Variants in RTTN observed in about 807,000 individuals in gnomAD.
RTTN encodes rotatin.
RTTN carries 182 observed loss-of-function variants against 269.2 expected under a neutral mutation model. The observed-to-expected ratio is 0.68, with a 90% CI of 0.60 to 0.76. RTTN has a LOEUF of 0.76. RTTN is among the 30% of genes least tolerant of loss of function. The probability of loss-of-function intolerance (pLI) is 0.00; values close to 1 mark genes in which losing one functional copy is unlikely to be tolerated. For synonymous variants in RTTN, 1,006 were observed against 963.5 expected (o/e 1.04, Z -0.82); for missense variants, 2,545 against 2,608.6 (o/e 0.98, Z 0.53).
Position 70,196,722 on chromosome 18 carries a change from A to C in RTTN, c.694-74T>G, listed in dbSNP as rs79879463. The C allele has an allele frequency of 9.4e-4, 1,324 of 1,404,802 alleles. 10 individuals are homozygous for C. In the African/African-American group the frequency reaches 0.017, roughly 18 times the overall value. The allele number at this position is 1,404,802 out of a possible 1,614,324, so 87.0% of individuals were successfully genotyped here. A position where few individuals can be genotyped will look rare whatever the true frequency, so the allele number is the denominator to read the frequency against. On this transcript the variant is annotated intron_variant, in intron 6 of 48. Coordinates refer to ENST00000640769, the MANE Select transcript of RTTN (RefSeq NM_173630.4). ...ACTTCAAAGCAGAATGTGGAGCTTA[A>C]GTAAGTAAGCCTAAGTGAATAATCA...
intron 25 of RTTN, 84 bp downstream of exon 25, chr18:70,127,418 A>C (rs2059892600): frequency 6.8e-7 from 1 of 1,478,294 alleles, no homozygotes; most frequent in Non-Finnish European, 9.2e-7. Flanking sequence ...AAGGGCATAG[A>C]CTCTTATCTT....
chr18:70,100,693 G>A lies in RTTN; in HGVS notation c.3904-7889C>T, dbSNP rs1013760116. ...AATGCTTCCAGTTTTTGCCCATTCAGTATGATATTGGCTGTGGGTCTGTCA... is the reference window on the plus strand; with the variant it reads ...AATGCTTCCAGTTTTTGCCCATTCAATATGATATTGGCTGTGGGTCTGTCA... On this transcript the variant is annotated intron_variant, in intron 28 of 48. Transcript: ENST00000640769. Among the ~76,000 whole-genome samples, 279 of 152,264 alleles carry A rather than the reference G, an allele frequency of 1.8e-3. 1 individual carries two copies. The highest frequency in any genetic ancestry group is 7.5e-4 in the Non-Finnish European group (51 of 68,018).
At chr18:70,037,462 G>A (rs2057210263) in intron 40 of RTTN, among the ~76,000 whole-genome samples, 1 of 152,164 alleles carries the variant, frequency 6.6e-6, no homozygotes, top group Non-Finnish European at 1.5e-5. Flanking sequence ...GCAGAGTTGT[G>A]AGACCTCCAT....
intron 4 of RTTN, among the ~76,000 whole-genome samples, chr18:70,199,904 A>G (rs2061906682): frequency 6.6e-6 from 1 of 152,256 alleles, no homozygotes; most frequent in African/African-American, 2.4e-5. Flanking sequence ...ATAAAACATA[A>G]TGATATACCA....
In RTTN at chr18:70,048,163, C is replaced by G. The variant is rs374305645; in HGVS notation, c.5349G>C (p.Leu1783Phe). 3.3e-5 allele frequency: 54 copies of G among 1,613,912 alleles called. No individual in the cohort carries two copies. The highest frequency in any genetic ancestry group is 4.2e-5 in the Non-Finnish European group (49 of 1,179,940). Reference protein sequence around the residue: ...AIDMFCTCAGLSATCPALYTA... With the variant: ...AIDMFCTCAGFSATCPALYTA... ...TATACAGGGCAGGACACGTGGCAGA[C>G]AAGCCTGCACATGTGCAGAACATAT... Residue 1783 changes from leucine (L) to phenylalanine (F), a missense_variant, in exon 40 of 49, where the codon TTG (leucine) becomes TTC (phenylalanine). Leu to Phe is a conservative substitution (Grantham distance 22). Transcript: ENST00000640769.
intron 46 of RTTN, among the ~76,000 whole-genome samples, chr18:70,009,503 T>C (rs569588491): frequency 1.3e-5 from 2 of 152,118 alleles, no homozygotes; most frequent in African/African-American, 4.8e-5. Context: ...GAAAAATAAA[T>C]AAAATCCTTT....
At position 70,128,422 on chromosome 18, in the gene RTTN, G is replaced by A. The variant is rs1401297391; in HGVS notation, c.3079C>T (p.Leu1027=). 1.2e-6 allele frequency: 2 copies of A among 1,613,170 alleles called. No individual in the cohort carries two copies. Among genetic ancestry groups the A allele is most frequent in the South Asian group, 1.1e-5 (1 of 91,046 alleles). ...VSDMLRIAWN[L]SWYHGSDNLL... The stretch of plus-strand genomic sequence containing the variant: ...TTATCACTCCCATGATACCATGACA[G>A]GTTCCAAGCTATTCTCAGCATATCT... The change falls in exon 24 of 49, where the codon CTG becomes TTG. Residue 1027 remains leucine (L), a synonymous_variant. Transcript: ENST00000640769.
chr18:70,068,334 C>T (rs1020961189), intron 34 of RTTN, among the ~76,000 whole-genome samples: 1 of 152,176 alleles, frequency 6.6e-6, no homozygotes, highest in Non-Finnish European at 1.5e-5. Context: ...AAAGCCTGAC[C>T]TAGTCCACGT....
Position 70,030,867 on chromosome 18 carries a change from G to C in RTTN, c.5647+9C>G. On this transcript the variant is annotated intron_variant, in intron 41 of 48. Transcript: ENST00000640769. ...GCCATCAAAACAGCTGATGTGTCATGTGGCTCACCTTTCAAAGCATGTTTC... is the reference window on the plus strand; with the variant it reads ...GCCATCAAAACAGCTGATGTGTCATCTGGCTCACCTTTCAAAGCATGTTTC... 1.3e-6 allele frequency: 2 copies of C among 1,598,470 alleles called. No homozygotes were observed. Among genetic ancestry groups the C allele is most frequent in the South Asian group, 1.1e-5 (1 of 89,496 alleles).
chr18:70,091,248 G>A (rs1292050866), intron 30 of RTTN, among the ~76,000 whole-genome samples: 1 of 152,132 alleles, frequency 6.6e-6, no homozygotes, highest in Non-Finnish European at 1.5e-5. Flanking sequence ...ATGAAGTTCA[G>A]GGGCTCAGGG....
At chr18:70,128,160 A>C (rs1308358890) in intron 24 of RTTN, 198 bp downstream of exon 24, 4 of 523,954 alleles carry the variant, frequency 7.6e-6, no homozygotes, top group Non-Finnish European at 1.3e-5. Flanking sequence ...TTTCATTTAA[A>C]GTTTTCCCAT....
chr18:70,121,418 T>G (rs1357880507), intron 26 of RTTN, 138 bp downstream of exon 26: 1 of 639,122 alleles, frequency 1.6e-6, no homozygotes, highest in Non-Finnish European at 2.6e-6. Context: ...CATGTTGTTA[T>G]GAGCCATTCA....
At chr18:70,150,130 T>A in intron 15 of RTTN, 43 bp from the exon 16 acceptor site, 1 of 1,215,880 alleles carries the variant, frequency 8.2e-7, no homozygotes, top group Non-Finnish European at 1.2e-6. Context: ...AAATGAGATG[T>A]CCCGCTAGGT....
At chr18:70,028,085 A>C (rs999338088) in intron 43 of RTTN, among the ~76,000 whole-genome samples, 1 of 152,230 alleles carries the variant, frequency 6.6e-6, no homozygotes, top group African/African-American at 2.4e-5. Flanking sequence ...GCATTAAAGC[A>C]TCAATCTAGT....
chr18:70,065,174 T>C (rs931732886), intron 35 of RTTN, among the ~76,000 whole-genome samples: 5 of 151,914 alleles, frequency 3.3e-5, no homozygotes, highest in Non-Finnish European at 4.4e-5. Context: ...CTTATATGTA[T>C]GCCAGTGTTT....
At chr18:70,157,684 G>A (rs1309899175) in intron 14 of RTTN, among the ~76,000 whole-genome samples, 1 of 152,108 alleles carries the variant, frequency 6.6e-6, no homozygotes, top group Non-Finnish European at 1.5e-5. Flanking sequence ...TATAGAAGAA[G>A]GCTGAAGCCC....
chr18:70,205,190 A>G lies in RTTN; in HGVS notation c.157T>C (p.Phe53Leu), dbSNP rs2062045355. The G allele has an allele frequency of 6.2e-7, 1 of 1,614,130 alleles. No individual in the cohort carries two copies. Among genetic ancestry groups the G allele is most frequent in the South Asian group, 1.1e-5 (1 of 91,096 alleles). The part of the protein sequence containing the change: ...RQLFLHLLEW[F>L]NFPSVPMKEE... ...TTCATCGGAACGGACGGGAAATTGAACCATTCCAGCAAATGAAGAAAAAGT... is the reference window on the plus strand; with the variant it reads ...TTCATCGGAACGGACGGGAAATTGAGCCATTCCAGCAAATGAAGAAAAAGT... The change falls in exon 2 of 49, where the codon TTC becomes CTC. Residue 53 changes from phenylalanine (F) to leucine (L), a missense_variant. Transcript: ENST00000640769.
At chr18:70,036,768 C>A (rs1433404533) in intron 40 of RTTN, among the ~76,000 whole-genome samples, 1 of 152,190 alleles carries the variant, frequency 6.6e-6, no homozygotes, top group Non-Finnish European at 1.5e-5. Context: ...CCTCCCCCAA[C>A]AGGAACACCA....
At position 70,134,558 on chromosome 18, in the gene RTTN, A is replaced by G. The variant is rs2060076539; in HGVS notation, c.2886-17T>C. On this transcript the variant is annotated splice_polypyrimidine_tract_variant and intron_variant, in intron 22 of 48. Transcript: ENST00000640769. Reference sequence around the variant, plus strand: ...TTAACAGACCTATTTCATAAAAGAAAAACAAAAACAAAGAAACAACTGAGT... The same window carrying G: ...TTAACAGACCTATTTCATAAAAGAAGAACAAAAACAAAGAAACAACTGAGT... 14 of 1,581,652 alleles carry G rather than the reference A, an allele frequency of 8.9e-6. No homozygotes were observed. The highest frequency in any genetic ancestry group is 1.2e-5 in the Non-Finnish European group (14 of 1,161,702).
Sources: allele counts gnomAD v4.1 joint callset (sites outside exome capture counted in the v4.1 genomes callset), GRCh38; gene constraint gnomAD v4.1.1; transcripts MANE v1.5; gene names NCBI Gene and HGNC (gene_info 2026-07-23, HGNC 2026-07-21).